Variants in UTP20 observed in about 807,000 individuals in gnomAD.
The protein encoded by UTP20 is UTP20 small subunit processome component.
UTP20 carries 164 observed loss-of-function variants against 329.5 expected under a neutral mutation model. The observed-to-expected ratio is 0.50, with a 90% CI of 0.44 to 0.57. The LOEUF is 0.57. Ranked by LOEUF, UTP20 falls within the 20% of genes least tolerant of loss-of-function variation. The pLI, the probability that UTP20 is intolerant of heterozygous loss-of-function variation, is 0.00. For missense variants in UTP20, 3,055 were observed against 3,284.2 expected, an observed-to-expected ratio of 0.93 and a Z score of 1.71; for synonymous variants, 1,151 against 1,159.3, an observed-to-expected ratio of 0.99 and a Z score of 0.14.
At chr12:101,353,840 A>G (rs1869623418) in intron 40 of UTP20, among the ~76,000 whole-genome samples, 1 of 152,244 alleles carries the variant, frequency 6.6e-6, no homozygotes, top group Admixed American at 6.5e-5. Context: ...GTGAAAAGGT[A>G]TCTTCGTATT....
At chr12:101,292,338 C>T (rs76943324) in intron 10 of UTP20, among the ~76,000 whole-genome samples, 2,973 of 152,200 alleles carry the variant, frequency 0.02, 62 homozygotes, top group African/African-American at 0.052. Flanking sequence ...TAAATCTATA[C>T]ATATTCTGCA....
intron 5 of UTP20, 125 bp from the exon 6 acceptor site, chr12:101,288,835 T>A: frequency 1.2e-6 from 1 of 804,448 alleles, no homozygotes; most frequent in Non-Finnish European, 1.9e-6. Context: ...GATTTTAAAT[T>A]TGTTTGATAC....
At chr12:101,329,735 A>G (rs2137267149) in intron 27 of UTP20, among the ~76,000 whole-genome samples, 1 of 152,282 alleles carries the variant, frequency 6.6e-6, no homozygotes, top group East Asian at 1.9e-4. Flanking sequence ...TAATAGAATT[A>G]GACAAGGAGG....
intron 28 of UTP20, among the ~76,000 whole-genome samples, chr12:101,334,083 C>T (rs912211026): frequency 2.6e-5 from 4 of 152,162 alleles, no homozygotes. Context: ...GGTTGTAACC[C>T]CTTGGTGATG....
At chr12:101,321,478 A>G in intron 24 of UTP20, 26 bp from the exon 25 acceptor site, 1 of 1,610,408 alleles carries the variant, frequency 6.2e-7, no homozygotes, top group Non-Finnish European at 8.5e-7. Context: ...TAAAGTGGTG[A>G]TTTGTGCTGT....
chr12:101,359,071 G>T (rs778008096), intron 43 of UTP20, among the ~76,000 whole-genome samples: 1 of 151,862 alleles, frequency 6.6e-6, no homozygotes, highest in Non-Finnish European at 1.5e-5. Flanking sequence ...TTGTTTTGTT[G>T]TCTTTTGTTT....
At chr12:101,333,001 G>A (rs955172463) in intron 27 of UTP20, among the ~76,000 whole-genome samples, 2 of 152,180 alleles carry the variant, frequency 1.3e-5, no homozygotes, top group African/African-American at 4.8e-5. Flanking sequence ...TTACTTGAAT[G>A]AAAAAGTAAA....
At chr12:101,311,574 G>A in intron 19 of UTP20, 145 bp from the exon 20 acceptor site, 2 of 654,728 alleles carry the variant, frequency 3.1e-6, no homozygotes. Context: ...ATATAGAAAA[G>A]TGCAAAAGGT....
chr12:101,300,447 T>C (rs375509092), intron 14 of UTP20, among the ~76,000 whole-genome samples: 12 of 152,166 alleles, frequency 7.9e-5, no homozygotes, highest in Middle Eastern at 3.2e-3. Flanking sequence ...TTTACAACTG[T>C]ATGGCTGCCT....
intron 22 of UTP20, among the ~76,000 whole-genome samples, chr12:101,318,831 G>GAAAAAAAA (rs35483128): frequency 1.0e-5 from 1 of 97,692 alleles, no homozygotes; most frequent in Non-Finnish European, 2.0e-5. Context: ...ACTCCATCTT[G>GAAAAAAAA]AAAAAAAAAA....
chr12:101,304,613 C>T (rs1046868456), intron 15 of UTP20, among the ~76,000 whole-genome samples: 1 of 152,172 alleles, frequency 6.6e-6, no homozygotes, highest in African/African-American at 2.4e-5. Context: ...TGGGAGCAAA[C>T]CTGGAGACTT....
intron 38 of UTP20, among the ~76,000 whole-genome samples, chr12:101,351,128 AT>A (rs59987232): frequency 2.6e-3 from 377 of 142,866 alleles, no homozygotes; most frequent in African/African-American, 4.4e-3. Flanking sequence ...CGTTTCATGC[AT>A]TTTTTTTTTT....
chr12:101,335,988 AATAGAGATTCATTTTT>A (rs1342273689), intron 29 of UTP20, among the ~76,000 whole-genome samples: 42 of 152,234 alleles, frequency 2.8e-4, no homozygotes, highest in African/African-American at 9.2e-4. Context: ...AAGACTTTAC[AATAGAGATTCATTTTT>A]ATATTCATTG....
Position 101,385,654 on chromosome 12 carries a change from T to C in UTP20, c.8128T>C (p.Ser2710Pro). The C allele has an allele frequency of 6.2e-7, 1 of 1,614,000 alleles. No homozygotes were observed. Among genetic ancestry groups the C allele is most frequent in the Non-Finnish European group, 8.5e-7 (1 of 1,180,012 alleles). ...LKKLVGLESF[S>P]LAFASVQKQA... ...AAAGCTGGTTGGGCTTGAGAGCTTC[T>C]CATTAGCCTTTGCCTCTGTACAGAA... is the stretch of plus-strand genomic sequence containing the variant. Residue 2710 changes from serine (S) to proline (P), a missense_variant, in exon 61 of 62, where the codon TCA (serine) becomes CCA (proline). Coordinates refer to ENST00000261637, the MANE Select transcript of UTP20 (RefSeq NM_014503.3).
intron 26 of UTP20, among the ~76,000 whole-genome samples, 191 bp from the exon 27 acceptor site, chr12:101,329,050 T>G (rs886780457): frequency 1.3e-5 from 2 of 152,134 alleles, no homozygotes; most frequent in Admixed American, 1.3e-4. Flanking sequence ...ACCTGTCTTA[T>G]GTAGCTCCTT....
At position 101,334,517 on chromosome 12, in the gene UTP20, T is replaced by G; in HGVS notation, c.3641+13T>G. 6.2e-7 allele frequency: 1 copy of G among 1,604,124 alleles called. No individual in the cohort carries two copies. The highest frequency in any genetic ancestry group is 8.5e-7 in the Non-Finnish European group (1 of 1,177,514). On this transcript the variant is annotated intron_variant, in intron 29 of 61. Coordinates refer to ENST00000261637, the MANE Select transcript of UTP20 (RefSeq NM_014503.3). ...GCAGAAACGCAAGGTATAACCTTTC[T>G]TTTTTCCTTCTTTAAAAAGGGCAGT... is the stretch of plus-strand genomic sequence containing the variant.
chr12:101,307,655 G>A (rs1013684644), intron 17 of UTP20, among the ~76,000 whole-genome samples: 7 of 152,182 alleles, frequency 4.6e-5, no homozygotes, highest in African/African-American at 1.4e-4. Flanking sequence ...GGGATTACAG[G>A]TGTGAGCCAC....
At chr12:101,345,722 C>T in intron 37 of UTP20, 28 bp downstream of exon 37, 1 of 1,590,434 alleles carries the variant, frequency 6.3e-7, no homozygotes, top group Non-Finnish European at 8.5e-7. Flanking sequence ...TTTTTCCTAC[C>T]TACGACATAA....
At position 101,386,243 on chromosome 12, in the gene UTP20, T is replaced by C; in HGVS notation, c.*120T>C. The C allele has an allele frequency of 1.1e-6, 1 of 904,518 alleles. No individual in the cohort carries two copies. The highest frequency in any genetic ancestry group is 1.7e-6 in the Non-Finnish European group (1 of 599,082). The allele number at this position is 904,518 out of a possible 1,614,324, so 56.0% of individuals were successfully genotyped here. On this transcript the variant is annotated 3_prime_UTR_variant, in exon 62 of 62. Coordinates refer to ENST00000261637, the MANE Select transcript of UTP20 (RefSeq NM_014503.3). ...TTTTTTTTTTGAGACAAGGTCTCAC[T>C]CTGTCACCCAAGGTGGAGTGCAGTG...
Sources: gnomAD v4.1 joint callset for allele counts (sites outside exome capture counted in the v4.1 genomes callset) on GRCh38, gnomAD v4.1.1 for gene constraint, MANE v1.5 for transcripts, NCBI Gene and HGNC (gene_info 2026-07-23, HGNC 2026-07-21) for gene names.